Variants in GOLGA8B observed in about 807,000 individuals in gnomAD.
GOLGA8B encodes the protein golgin subfamily A member 8B.
GOLGA8B carries 1 observed loss-of-function variant against 15.6 expected under a neutral mutation model. The ratio of observed to expected loss-of-function variants is 0.06; its 90% confidence interval spans 0.02 to 0.30. The LOEUF is 0.30. GOLGA8B is among the 10% of genes least tolerant of loss of function. The probability of loss-of-function intolerance (pLI) is 1.00; values close to 1 mark genes in which losing one functional copy is unlikely to be tolerated. For synonymous variants in GOLGA8B, 9 were observed against 80.3 expected, an observed-to-expected ratio of 0.11 and a Z score of 4.75; for missense variants, 17 against 201.3, an observed-to-expected ratio of 0.08 and a Z score of 5.54.
intron 1 of GOLGA8B, among the ~76,000 whole-genome samples, chr15:34,579,143 A>G (rs1253049207): frequency 7.2e-5 from 11 of 152,028 alleles, no homozygotes; most frequent in Admixed American, 2.0e-4. Context: ...CTGGCCCTGG[A>G]CCCCAGGGTT....
chr15:34,573,705 A>C (rs1888988397), intron 1 of GOLGA8B, among the ~76,000 whole-genome samples: 1 of 152,148 alleles, frequency 6.6e-6, no homozygotes, highest in African/African-American at 2.4e-5. Context: ...AGGAAATCTA[A>C]AAATTCTTCC....
chr15:34,572,952 T>C (rs909837013), intron 1 of GOLGA8B, among the ~76,000 whole-genome samples: 1 of 152,178 alleles, frequency 6.6e-6, no homozygotes, highest in African/African-American at 2.4e-5. Context: ...CAAAATTTTT[T>C]AAAACAGAGA....
intron 1 of GOLGA8B, among the ~76,000 whole-genome samples, chr15:34,579,491 G>A (rs1889171568): frequency 3.3e-5 from 5 of 152,136 alleles, no homozygotes; most frequent in Admixed American, 3.3e-4. Flanking sequence ...GGACCACCTG[G>A]GTGCAGAGAA....
intron 1 of GOLGA8B, among the ~76,000 whole-genome samples, chr15:34,571,616 A>T (rs1255465090): frequency 6.7e-5 from 4 of 59,308 alleles, no homozygotes; most frequent in African/African-American, 1.5e-4. Flanking sequence ...GGAATCGTAT[A>T]AAAAAAAAAA....
chr15:34,575,196 G>C (rs1419956178), intron 1 of GOLGA8B, among the ~76,000 whole-genome samples: 1 of 151,576 alleles, frequency 6.6e-6, no homozygotes, highest in Admixed American at 6.6e-5. Flanking sequence ...GAACCCAGTG[G>C]GGAGTGGGCT....
At chr15:34,569,824 A>G (rs1656084604) in intron 1 of GOLGA8B, among the ~76,000 whole-genome samples, 2 of 150,562 alleles carry the variant, frequency 1.3e-5, no homozygotes, top group African/African-American at 4.9e-5. Flanking sequence ...TGCAGGGCGG[A>G]CACTCCAAGG....
At chr15:34,576,586 A>G (rs1292497028) in intron 1 of GOLGA8B, among the ~76,000 whole-genome samples, 1 of 152,178 alleles carries the variant, frequency 6.6e-6, no homozygotes, top group Non-Finnish European at 1.5e-5. Flanking sequence ...GAATCTTCAC[A>G]ATACATGCAC....
intron 1 of GOLGA8B, among the ~76,000 whole-genome samples, chr15:34,575,487 C>T (rs1889049428): frequency 6.6e-6 from 1 of 151,830 alleles, no homozygotes; most frequent in Non-Finnish European, 1.5e-5. Context: ...TTGCTCCCAA[C>T]CCACAGCAAG....
intron 1 of GOLGA8B, among the ~76,000 whole-genome samples, chr15:34,561,032 G>A (rs1192669482): frequency 5.5e-5 from 8 of 146,554 alleles, no homozygotes; most frequent in East Asian, 2.0e-4. Flanking sequence ...CCCCACAAAC[G>A]GACCCAGAGT....
rs1233724158 is a variant in GOLGA8B, at chr15:34,580,601, G to C, written c.-1123+2915C>G. On this transcript the variant is annotated intron_variant, in intron 1 of 23. Transcript: ENST00000683415. ...GCTTCAGGAGAGGCGAGAAGCGACAGTGCCCATGACAGCTGACTCAGCCTG... is the reference window on the plus strand; with the variant it reads ...GCTTCAGGAGAGGCGAGAAGCGACACTGCCCATGACAGCTGACTCAGCCTG... Among the ~76,000 whole-genome samples, 3 of 152,130 alleles carry C rather than the reference G, an allele frequency of 2.0e-5. No homozygotes were observed. The East Asian group carries it at 5.8e-4, about 29-fold the overall frequency.
chr15:34,581,600 T>C (rs1404088370), intron 1 of GOLGA8B: 1 of 152,088 alleles, frequency 6.6e-6, no homozygotes, highest in African/African-American at 2.4e-5. Context: ...AGGTTAGAGC[T>C]ACTTAAGAAG....
chr15:34,557,672 G>C (rs1277261847), intron 1 of GOLGA8B, among the ~76,000 whole-genome samples: 3 of 108,492 alleles, frequency 2.8e-5, no homozygotes, highest in African/African-American at 1.0e-4. Flanking sequence ...GTGTGTGTGT[G>C]TGTGTGTGTG....
intron 1 of GOLGA8B, among the ~76,000 whole-genome samples, chr15:34,578,756 T>C (rs1365895022): frequency 1.3e-5 from 2 of 152,176 alleles, no homozygotes; most frequent in Non-Finnish European, 2.9e-5. Flanking sequence ...AATGTTGGAG[T>C]GTTTCCGTTT....
intron 1 of GOLGA8B, among the ~76,000 whole-genome samples, chr15:34,575,093 C>T (rs564391563): frequency 2.6e-3 from 360 of 136,272 alleles, no homozygotes; most frequent in Admixed American, 3.8e-3. Context: ...TCTAGAAATC[C>T]TATAAATCCT....
In GOLGA8B at chr15:34,526,621, A is replaced by T. The variant is rs1357932013; in HGVS notation, c.*1011T>A. 1.3e-5 allele frequency: 2 copies of T among 149,182 alleles called. No individual in the cohort carries two copies. Among genetic ancestry groups the T allele is most frequent in the Non-Finnish European group, 3.0e-5 (2 of 67,262 alleles). The allele number at this position is 149,182 out of a possible 1,614,324, so 9.2% of individuals were successfully genotyped here. ...TTAAACTCTTAAAGGATGTCTTATG[A>T]TCTTTACTAAATACATTAAGAAGAA... is the stretch of plus-strand genomic sequence containing the variant. On this transcript the variant is annotated 3_prime_UTR_variant, in exon 24 of 24. Coordinates refer to ENST00000683415, the MANE Select transcript of GOLGA8B (RefSeq NM_001023567.5).
intron 1 of GOLGA8B, among the ~76,000 whole-genome samples, chr15:34,554,530 TAC>T (rs1888441557): frequency 8.0e-6 from 1 of 124,480 alleles, no homozygotes; most frequent in Non-Finnish European, 1.7e-5. Context: ...CACACTACAT[TAC>T]ACTCCACACA....
At chr15:34,582,210 G>T (rs530223099) in intron 1 of GOLGA8B, among the ~76,000 whole-genome samples, 1 of 152,284 alleles carries the variant, frequency 6.6e-6, no homozygotes, top group South Asian at 2.1e-4. Context: ...TCTGGGAGGG[G>T]AGAAACCCCT....
At chr15:34,581,862 A>G (rs1204252830) in intron 1 of GOLGA8B, among the ~76,000 whole-genome samples, 1 of 152,104 alleles carries the variant, frequency 6.6e-6, no homozygotes, top group Non-Finnish European at 1.5e-5. Flanking sequence ...CCCCATTGCT[A>G]CTGCCATCAC....
intron 1 of GOLGA8B, among the ~76,000 whole-genome samples, chr15:34,567,468 T>C (rs1222995774): frequency 6.6e-6 from 1 of 151,820 alleles, no homozygotes; most frequent in East Asian, 1.9e-4. Context: ...TGAAGCAGGC[T>C]GCAGCTACTA....
Sources: allele counts gnomAD v4.1 joint callset (sites outside exome capture counted in the v4.1 genomes callset), GRCh38; gene constraint gnomAD v4.1.1; transcripts MANE v1.5; gene names NCBI Gene and HGNC (gene_info 2026-07-23, HGNC 2026-07-21).